Variants in ARHGEF16 observed in about 807,000 individuals in gnomAD.
ARHGEF16 encodes Rho guanine nucleotide exchange factor 16.
Under a neutral mutation model 74.1 loss-of-function variants are expected in ARHGEF16, and 59 were observed. The observed-to-expected ratio is 0.80, with a 90% CI of 0.65 to 0.99. The LOEUF (loss-of-function observed/expected upper bound fraction) is 0.99, where lower values mean the gene tolerates loss of function less well. Among genes scored for constraint, ARHGEF16 ranks in the 50% least tolerant of loss-of-function variants. ARHGEF16 has a pLI of 0.00. For missense variants in ARHGEF16, 948 were observed against 986.6 expected (o/e 0.96, Z 0.52); for synonymous variants, 415 against 412.6 (o/e 1.01, Z -0.07).
intron 3 of ARHGEF16, among the ~76,000 whole-genome samples, chr1:3,466,745 A>G (rs1339161202): frequency 6.6e-6 from 1 of 152,186 alleles, no homozygotes; most frequent in Admixed American, 6.5e-5. Flanking sequence ...GGGAGGGCTA[A>G]GGCCTCGAGT....
chr1:3,465,768 C>A (rs1639525618), intron 2 of ARHGEF16, among the ~76,000 whole-genome samples: 1 of 152,200 alleles, frequency 6.6e-6, no homozygotes, highest in Non-Finnish European at 1.5e-5. Context: ...TGGACACTGG[C>A]CAATCCTTGC....
intron 1 of ARHGEF16, among the ~76,000 whole-genome samples, chr1:3,461,914 C>T (rs922507464): frequency 6.6e-6 from 1 of 152,218 alleles, no homozygotes; most frequent in Non-Finnish European, 1.5e-5. Context: ...CAAAGCCAGT[C>T]TCAGGACTGT....
chr1:3,472,765 C>T (rs1325826403), intron 6 of ARHGEF16: 1 of 311,252 alleles, frequency 3.2e-6, no homozygotes, highest in Non-Finnish European at 5.9e-6. Context: ...TCCAAATGGG[C>T]CCGCCTTTGG....
Position 3,478,579 on chromosome 1 carries a change from G to T in ARHGEF16, c.1781G>T (p.Arg594Leu), listed in dbSNP as rs771034945. ...ACCCTGCTTCGCAACAGCGAGGGCCGCCAGGAGCAGCTCCTGCTCTCCTCG... is the reference window on the plus strand; with the variant it reads ...ACCCTGCTTCGCAACAGCGAGGGCCTCCAGGAGCAGCTCCTGCTCTCCTCG... ...QVTLLRNSEG[R>L]QEQLLLSSDS... The change falls in exon 12 of 15, where the codon CGC becomes CTC. Residue 594 changes from arginine to leucine, a missense_variant. Transcript: ENST00000378378. The T allele has an allele frequency of 6.2e-6, 10 of 1,612,028 alleles. No homozygotes were observed. The highest frequency in any genetic ancestry group is 8.5e-6 in the Non-Finnish European group (10 of 1,179,594).
chr1:3,473,731 G>A, intron 8 of ARHGEF16: 1 of 816,558 alleles, frequency 1.2e-6, no homozygotes. Context: ...GCCGGGAACT[G>A]TTCCAGCCCT....
At chr1:3,455,224 G>T (rs996651022) in intron 1 of ARHGEF16, among the ~76,000 whole-genome samples, 1 of 152,178 alleles carries the variant, frequency 6.6e-6, no homozygotes, top group Admixed American at 6.5e-5. Flanking sequence ...CATGGGGTGG[G>T]GGGCGGAACA....
At chr1:3,473,306 C>T in intron 7 of ARHGEF16, 76 bp downstream of exon 7, 2 of 1,583,126 alleles carry the variant, frequency 1.3e-6, no homozygotes, top group South Asian at 2.3e-5. Flanking sequence ...CACATTCCTG[C>T]TCCCAGCCCA....
At chr1:3,474,619 C>T (rs766654985) in intron 8 of ARHGEF16, 89 bp from the exon 9 acceptor site, 79 of 1,294,628 alleles carry the variant, frequency 6.1e-5, no homozygotes, top group Middle Eastern at 3.7e-4. Flanking sequence ...GACCACCCTG[C>T]AGCCCCACAC....
In ARHGEF16 at chr1:3,469,576, C is replaced by T. The variant is rs1329967737; in HGVS notation, c.1005C>T (p.Val335=). 4 of 1,612,972 alleles carry T rather than the reference C, an allele frequency of 2.5e-6. No homozygotes were observed. Among genetic ancestry groups the T allele is most frequent in the Admixed American group, 1.7e-5 (1 of 60,028 alleles). ...ACCTCTTCTCCAACATCCTGGATGTCCTGGGTGCCAGTCAGAGGTGAGGCC... is the reference window on the plus strand; with the variant it reads ...ACCTCTTCTCCAACATCCTGGATGTTCTGGGTGCCAGTCAGAGGTGAGGCC... ...HHHLFSNILD[V]LGASQRFFED... The change falls in exon 6 of 15, where the codon GTC becomes GTT. Residue 335 remains valine (V), a synonymous_variant. Transcript: ENST00000378378.
In ARHGEF16 at chr1:3,473,634, C is replaced by T. The variant is rs778376325; in HGVS notation, c.1305+112C>T. 20 of 1,523,986 alleles carry T rather than the reference C, an allele frequency of 1.3e-5. No individual in the cohort carries two copies. In the East Asian group the frequency reaches 1.8e-4, roughly 14 times the overall value. The allele number at this position is 1,523,986 out of a possible 1,614,324, so 94.4% of individuals were successfully genotyped here. ...TTGTGACCTTCTCCTCCAGGCTTGG[C>T]CTATGATATTGTAATAGTTACGATC... On this transcript the variant is annotated intron_variant, in intron 8 of 14. Transcript: ENST00000378378.
chr1:3,469,451 A>C lies in ARHGEF16; in HGVS notation c.880A>C (p.Thr294Pro). ...TCCACAGGCCATGTTCGAGATCCTC[A>C]CGTCGGAGTTCTCCTACCAGCACAG... ...KRQEAMFEIL[T>P]SEFSYQHSLS... The change falls in exon 6 of 15, where the codon ACG becomes CCG. Residue 294 changes from threonine (T) to proline (P), a missense_variant. Transcript: ENST00000378378. 1.2e-6 allele frequency: 2 copies of C among 1,612,962 alleles called. No homozygotes were observed. The highest frequency in any genetic ancestry group is 8.5e-7 in the Non-Finnish European group (1 of 1,179,962).
intron 1 of ARHGEF16, 29 bp from the exon 2 acceptor site, chr1:3,463,037 A>G: frequency 7.1e-7 from 1 of 1,415,048 alleles, no homozygotes; most frequent in Non-Finnish European, 9.3e-7. Flanking sequence ...GAGCAGCCTC[A>G]CGAGACCTCA....
chr1:3,479,240 G>T (rs1336474570), intron 12 of ARHGEF16, among the ~76,000 whole-genome samples: 1 of 152,210 alleles, frequency 6.6e-6, no homozygotes. Flanking sequence ...ACAGCAAACG[G>T]AGGGGGCAGG....
Position 3,478,514 on chromosome 1 carries a change from C to G in ARHGEF16, c.1716C>G (p.Gly572=), listed in dbSNP as rs774179599. Reference sequence around the variant, plus strand: ...CGTCTGAGCTCCCTCTGCCCGGGGGCGGCAACCGTAGCTCCTCCGTGCCCC... The same window carrying G: ...CGTCTGAGCTCCCTCTGCCCGGGGGGGGCAACCGTAGCTCCTCCGTGCCCC... The part of the protein sequence containing the change: ...IEPSELPLPG[G]GNRSSSVPHP... The change falls in exon 12 of 15, where the codon GGC becomes GGG. Residue 572 remains glycine (G), a synonymous_variant. Coordinates refer to ENST00000378378, the MANE Select transcript of ARHGEF16 (RefSeq NM_014448.4). The G allele has an allele frequency of 3.1e-6, 5 of 1,612,668 alleles. No homozygotes were observed. The highest frequency in any genetic ancestry group is 4.2e-6 in the Non-Finnish European group (5 of 1,179,862).
intron 8 of ARHGEF16, chr1:3,474,121 C>T (rs1040008071): frequency 1.6e-5 from 3 of 190,672 alleles, no homozygotes; most frequent in Non-Finnish European, 1.1e-5. Context: ...CACTTGCACA[C>T]ACTGCATTGC....
chr1:3,473,305 G>C, intron 7 of ARHGEF16, 75 bp downstream of exon 7: 2 of 1,584,126 alleles, frequency 1.3e-6, no homozygotes, highest in South Asian at 2.3e-5. Flanking sequence ...GCACATTCCT[G>C]CTCCCAGCCC....
At chr1:3,478,171 G>A (rs1426220487) in intron 11 of ARHGEF16, 145 bp downstream of exon 11, 7 of 1,197,744 alleles carry the variant, frequency 5.8e-6, no homozygotes, top group Middle Eastern at 2.4e-4. Flanking sequence ...CATGCTCTAC[G>A]TGACACTCGG....
At chr1:3,479,700 G>A (rs1569885923) in intron 13 of ARHGEF16, 110 bp downstream of exon 13, 1 of 1,557,142 alleles carries the variant, frequency 6.4e-7, no homozygotes. Context: ...GGGCCTGGCA[G>A]TCGGGGGATG....
intron 1 of ARHGEF16, among the ~76,000 whole-genome samples, chr1:3,461,978 G>A (rs1362902776): frequency 2.0e-5 from 3 of 152,194 alleles, no homozygotes; most frequent in Non-Finnish European, 4.4e-5. Context: ...AAGGAGGAAA[G>A]TGAGAAATGG....
Sources: allele counts gnomAD v4.1 joint callset (sites outside exome capture counted in the v4.1 genomes callset), GRCh38; gene constraint gnomAD v4.1.1; transcripts MANE v1.5; gene names NCBI Gene and HGNC (gene_info 2026-07-23, HGNC 2026-07-21).